The following PLD5 variants were observed in gnomAD, a reference collection of about 807,000 sequenced individuals.
The protein encoded by PLD5 is inactive phospholipase D5.
Under a neutral mutation model 61.1 loss-of-function variants are expected in PLD5, and 36 were observed. That is an observed-to-expected ratio of 0.59 (90% confidence interval 0.45 to 0.78). The LOEUF (loss-of-function observed/expected upper bound fraction) is 0.78, where lower values mean the gene tolerates loss of function less well. Among genes scored for constraint, PLD5 ranks in the 30% least tolerant of loss-of-function variants. PLD5 has a pLI of 0.00. For synonymous variants in PLD5, 243 were observed against 242.8 expected, an observed-to-expected ratio of 1.00 and a Z score of -0.01; for missense variants, 515 against 644.4, an observed-to-expected ratio of 0.80 and a Z score of 2.17.
At chr1:242,227,653 C>T (rs922795572) in intron 4 of PLD5, among the ~76,000 whole-genome samples, 7 of 152,166 alleles carry the variant, frequency 4.6e-5, no homozygotes, top group African/African-American at 1.4e-4. Context: ...CATAAGCCAC[C>T]GTGCCCAGCC....
At chr1:242,413,412 A>G (rs1345269979) in intron 1 of PLD5, among the ~76,000 whole-genome samples, 1 of 152,020 alleles carries the variant, frequency 6.6e-6, no homozygotes, top group African/African-American at 2.4e-5. Context: ...ATTAAGTTCC[A>G]TCTCACAAGA....
chr1:242,098,554 C>T (rs1558216902), intron 9 of PLD5, among the ~76,000 whole-genome samples: 1 of 152,222 alleles, frequency 6.6e-6, no homozygotes, highest in African/African-American at 2.4e-5. Flanking sequence ...CTTCTTCTCT[C>T]AACTCGTCAA....
intron 3 of PLD5, among the ~76,000 whole-genome samples, chr1:242,270,833 C>T (rs1574644934): frequency 6.6e-6 from 1 of 152,296 alleles, no homozygotes; most frequent in South Asian, 2.1e-4. Context: ...CCATCCAATG[C>T]TATATCTCCA....
At chr1:242,146,898 G>C (rs1664582793) in intron 5 of PLD5, among the ~76,000 whole-genome samples, 1 of 152,180 alleles carries the variant, frequency 6.6e-6, no homozygotes, top group African/African-American at 2.4e-5. Context: ...AGAACCAACA[G>C]AGGCTCTGCA....
chr1:242,264,673 A>G (rs1011069155), intron 4 of PLD5, among the ~76,000 whole-genome samples: 1 of 152,170 alleles, frequency 6.6e-6, no homozygotes, highest in Admixed American at 6.5e-5. Context: ...CACTGGCTCA[A>G]ACACGCCTTT....
At chr1:242,422,218 G>A (rs985963829) in intron 1 of PLD5, among the ~76,000 whole-genome samples, 7 of 150,372 alleles carry the variant, frequency 4.7e-5, no homozygotes, top group African/African-American at 1.7e-4. Context: ...AGGAGGGAGG[G>A]CAGGAGGAGA....
intron 2 of PLD5, among the ~76,000 whole-genome samples, chr1:242,300,093 G>T (rs544449001): frequency 6.6e-6 from 1 of 152,210 alleles, no homozygotes; most frequent in Non-Finnish European, 1.5e-5. Context: ...ACATTGAGAT[G>T]AGATGCAAAG....
chr1:242,311,817 T>C (rs1247637898), intron 2 of PLD5, among the ~76,000 whole-genome samples: 2 of 152,202 alleles, frequency 1.3e-5, no homozygotes, highest in Non-Finnish European at 2.9e-5. Context: ...TCTTTCTCTC[T>C]TCTTCTGGAA....
intron 1 of PLD5, among the ~76,000 whole-genome samples, chr1:242,472,667 T>G (rs148851714): frequency 2.1e-3 from 323 of 152,350 alleles, no homozygotes; most frequent in African/African-American, 7.1e-3. Flanking sequence ...TGAACGAAAT[T>G]TATCAGTAAT....
At chr1:242,124,340 T>G (rs1417107441) in intron 6 of PLD5, 128 bp downstream of exon 6, 1 of 821,308 alleles carries the variant, frequency 1.2e-6, no homozygotes, top group Non-Finnish European at 1.9e-6. Context: ...TTTTAACTCT[T>G]CACGTCATGG....
Position 242,089,814 on chromosome 1 carries a change from A to C in PLD5, c.*40T>G, listed in dbSNP as rs1292538493. 4.4e-6 allele frequency: 7 copies of C among 1,607,966 alleles called. No individual in the cohort carries two copies. Among genetic ancestry groups the C allele is most frequent in the Non-Finnish European group, 6.0e-6 (7 of 1,175,158 alleles). On this transcript the variant is annotated 3_prime_UTR_variant, in exon 10 of 10. Coordinates refer to ENST00000536534, the MANE Select transcript of PLD5 (RefSeq NM_001372062.1). Reference sequence around the variant, plus strand: ...CTCTCCTCAAGTCCTTTATGTATAAATATGAAATACAGAGCTGTCCTGTCA... The same window carrying C: ...CTCTCCTCAAGTCCTTTATGTATAACTATGAAATACAGAGCTGTCCTGTCA...
intron 1 of PLD5, among the ~76,000 whole-genome samples, chr1:242,348,488 T>C (rs539045679): frequency 6.6e-5 from 10 of 152,282 alleles, no homozygotes; most frequent in African/African-American, 2.2e-4. Flanking sequence ...TCCAGGCTTC[T>C]GAATGAGTTT....
intron 1 of PLD5, among the ~76,000 whole-genome samples, chr1:242,470,427 C>T (rs1249661749): frequency 6.6e-6 from 1 of 151,760 alleles, no homozygotes; most frequent in Non-Finnish European, 1.5e-5. Context: ...ATCCTACTGG[C>T]CTGGGTTTGG....
chr1:242,257,433 C>G (rs1181437817), intron 4 of PLD5, among the ~76,000 whole-genome samples: 4 of 152,202 alleles, frequency 2.6e-5, no homozygotes, highest in Non-Finnish European at 4.4e-5. Flanking sequence ...CCCAAGCCCA[C>G]AGTGTGCTGG....
At chr1:242,457,077 G>A (rs1032257487) in intron 1 of PLD5, among the ~76,000 whole-genome samples, 3 of 152,100 alleles carry the variant, frequency 2.0e-5, no homozygotes, top group South Asian at 2.1e-4. Context: ...CTGTCAAACC[G>A]GAGAAGCCAC....
intron 1 of PLD5, among the ~76,000 whole-genome samples, chr1:242,454,472 A>G (rs971826730): frequency 2.0e-5 from 3 of 150,624 alleles, no homozygotes; most frequent in Admixed American, 1.3e-4. Context: ...TTGGCAGAGG[A>G]AAAAAAAAGA....
intron 3 of PLD5, among the ~76,000 whole-genome samples, chr1:242,281,273 T>C: frequency 6.6e-6 from 1 of 152,146 alleles, no homozygotes. Context: ...ACTGCATTGA[T>C]CGCATCAGTT....
chr1:242,407,220 T>C (rs1478632316), intron 1 of PLD5, among the ~76,000 whole-genome samples: 1 of 152,174 alleles, frequency 6.6e-6, no homozygotes, highest in East Asian at 1.9e-4. Context: ...GACGTGACTT[T>C]GCTCCTCCTT....
At chr1:242,103,216 A>G (rs1019702427) in intron 8 of PLD5, among the ~76,000 whole-genome samples, 4 of 152,156 alleles carry the variant, frequency 2.6e-5, no homozygotes, top group African/African-American at 9.7e-5. Context: ...TCCAGAGTGC[A>G]TGACTTCACT....
Sources: gnomAD v4.1 joint callset for allele counts (sites outside exome capture counted in the v4.1 genomes callset) on GRCh38, gnomAD v4.1.1 for gene constraint, MANE v1.5 for transcripts, NCBI Gene and HGNC (gene_info 2026-07-23, HGNC 2026-07-21) for gene names.